ATP8B4: variants seen among roughly 807,000 people sequenced by gnomAD.
ATP8B4 encodes the protein ATPase phospholipid transporting 8B4 (putative).
Under a neutral mutation model 145.6 loss-of-function variants are expected in ATP8B4, and 133 were observed. The ratio of observed to expected loss-of-function variants is 0.91; its 90% CI spans 0.79 to 1.05. The LOEUF (loss-of-function observed/expected upper bound fraction) is 1.05. Ranked by LOEUF, ATP8B4 falls within the 50% of genes least tolerant of loss-of-function variation. The pLI is 0.00. For missense variants in ATP8B4, 1,458 were observed against 1,425.2 expected (o/e 1.02, Z -0.37); for synonymous variants, 507 against 492.9 (o/e 1.03, Z -0.38).
intron 1 of ATP8B4, among the ~76,000 whole-genome samples, chr15:50,114,901 A>T (rs946333253): frequency 1.3e-5 from 2 of 152,250 alleles, no homozygotes; most frequent in African/African-American, 4.8e-5. Flanking sequence ...ACATTCAATT[A>T]TCAAAGACTT....
intron 6 of ATP8B4, among the ~76,000 whole-genome samples, chr15:50,018,560 A>C (rs1012978042): frequency 6.6e-6 from 1 of 152,194 alleles, no homozygotes; most frequent in Non-Finnish European, 1.5e-5. Flanking sequence ...TCAACAATGA[A>C]GAATACCTGC....
chr15:49,929,857 G>A (rs1420956258), intron 16 of ATP8B4, among the ~76,000 whole-genome samples: 1 of 152,026 alleles, frequency 6.6e-6, no homozygotes, highest in African/African-American at 2.4e-5. Flanking sequence ...ATTGGACTGG[G>A]AAGTTACAAG....
chr15:50,022,322 G>A (rs184301159), intron 6 of ATP8B4, among the ~76,000 whole-genome samples: 21 of 152,194 alleles, frequency 1.4e-4, no homozygotes, highest in Non-Finnish European at 2.8e-4. Flanking sequence ...TAGTGCTTCC[G>A]TTGAGGTCCA....
At chr15:49,950,382 T>G (rs1334830464) in intron 14 of ATP8B4, among the ~76,000 whole-genome samples, 3 of 152,048 alleles carry the variant, frequency 2.0e-5, no homozygotes, top group Non-Finnish European at 2.9e-5. Flanking sequence ...CCTGGTTTAG[T>G]CTTGATAAGG....
In ATP8B4 at chr15:49,860,488, A is replaced by T; in HGVS notation, c.3298-13T>A. 6.3e-7 allele frequency: 1 copy of T among 1,594,540 alleles called. No homozygotes were observed. Among genetic ancestry groups the T allele is most frequent in the Non-Finnish European group, 8.5e-7 (1 of 1,172,244 alleles). On this transcript the variant is annotated splice_polypyrimidine_tract_variant and intron_variant, in intron 27 of 27. Transcript: ENST00000284509. The stretch of plus-strand genomic sequence containing the variant: ...GCCACCGGCGGATCTGGAGAGAAAC[A>T]GACCCAAAGTGAGATGATGCATCCA...
intron 1 of ATP8B4, among the ~76,000 whole-genome samples, chr15:50,165,883 A>C (rs1353506679): frequency 6.6e-6 from 1 of 152,096 alleles, no homozygotes; most frequent in Non-Finnish European, 1.5e-5. Flanking sequence ...GAACAGATAA[A>C]AAATTTGAAA....
chr15:49,937,519 C>A (rs910799934), intron 14 of ATP8B4, among the ~76,000 whole-genome samples: 2 of 152,272 alleles, frequency 1.3e-5, no homozygotes, highest in Admixed American at 1.3e-4. Flanking sequence ...TCCGTGTTTT[C>A]ATTTGTGCAT....
chr15:49,944,963 C>G (rs2042444836), intron 14 of ATP8B4, among the ~76,000 whole-genome samples: 1 of 152,090 alleles, frequency 6.6e-6, no homozygotes, highest in South Asian at 2.1e-4. Context: ...TGAATAGCCA[C>G]TGGCTCAAAA....
At chr15:50,061,491 A>G (rs527881004) in intron 3 of ATP8B4, among the ~76,000 whole-genome samples, 1 of 152,348 alleles carries the variant, frequency 6.6e-6, no homozygotes, top group South Asian at 2.1e-4. Context: ...GATAAAACAT[A>G]AATTCATAAC....
chr15:50,127,825 AC>A (rs537156582), intron 1 of ATP8B4, among the ~76,000 whole-genome samples: 44 of 152,232 alleles, frequency 2.9e-4, no homozygotes, highest in Non-Finnish European at 5.7e-4. Flanking sequence ...AGGGAGAGGA[AC>A]AAACACCAGT....
At chr15:50,089,050 G>C (rs1431747282) in intron 2 of ATP8B4, among the ~76,000 whole-genome samples, 2 of 152,206 alleles carry the variant, frequency 1.3e-5, no homozygotes, top group East Asian at 3.9e-4. Context: ...TTTAATAAAG[G>C]GTGCTAGGAG....
chr15:50,037,365 C>G (rs2050917226), intron 6 of ATP8B4, among the ~76,000 whole-genome samples: 5 of 152,186 alleles, frequency 3.3e-5, no homozygotes, highest in Admixed American at 3.3e-4. Context: ...CACAACCACA[C>G]ATACTCTGTC....
At chr15:49,959,542 G>A (rs1358464378) in intron 14 of ATP8B4, among the ~76,000 whole-genome samples, 1 of 151,982 alleles carries the variant, frequency 6.6e-6, no homozygotes, top group African/African-American at 2.4e-5. Flanking sequence ...TCTATTTCCA[G>A]ATAGTATGGT....
At chr15:49,955,035 T>C (rs530460768) in intron 14 of ATP8B4, among the ~76,000 whole-genome samples, 33 of 152,292 alleles carry the variant, frequency 2.2e-4, no homozygotes, top group African/African-American at 7.9e-4. Context: ...GCTACACAGA[T>C]GCAGCTGGAG....
intron 1 of ATP8B4, among the ~76,000 whole-genome samples, chr15:50,137,573 G>T (rs894755907): frequency 6.6e-6 from 1 of 152,210 alleles, no homozygotes; most frequent in Non-Finnish European, 1.5e-5. Flanking sequence ...TCTAAGATCT[G>T]AATCACTGTC....
At position 50,159,770 on chromosome 15, in the gene ATP8B4, C is replaced by A. The variant is rs139814408; in HGVS notation, c.-43+22491G>T. ...TTCTTCATTCTATTGATACGATGTA[C>A]CACATTGATTGATTTGTGTATGTTG... On this transcript the variant is annotated intron_variant, in intron 1 of 3. Transcript: ENST00000558829. Among the ~76,000 whole-genome samples the A allele has an allele frequency of 2.7e-4, 41 of 152,174 alleles. 1 individual carries two copies. Among genetic ancestry groups the A allele is most frequent in the African/African-American group, 9.4e-4 (39 of 41,502 alleles).
chr15:50,165,486 G>A (rs1200997682), intron 1 of ATP8B4, among the ~76,000 whole-genome samples: 1 of 152,070 alleles, frequency 6.6e-6, no homozygotes, highest in African/African-American at 2.4e-5. Context: ...GGGGATGGTG[G>A]GGGCAATCAC....
chr15:50,005,212 C>T (rs2153564676), intron 7 of ATP8B4, among the ~76,000 whole-genome samples: 1 of 152,266 alleles, frequency 6.6e-6, no homozygotes, highest in Non-Finnish European at 1.5e-5. Context: ...CAACACAACG[C>T]CCCTTCCCCA....
intron 22 of ATP8B4, among the ~76,000 whole-genome samples, 181 bp downstream of exon 22, chr15:49,897,887 G>A (rs1463007854): frequency 6.6e-6 from 1 of 152,118 alleles, no homozygotes; most frequent in Non-Finnish European, 1.5e-5. Flanking sequence ...TTTATTTAAA[G>A]ACAAAGAAAT....
Sources: gnomAD v4.1 joint callset for allele counts (sites outside exome capture counted in the v4.1 genomes callset) on GRCh38, gnomAD v4.1.1 for gene constraint, MANE v1.5 for transcripts, NCBI Gene and HGNC (gene_info 2026-07-23, HGNC 2026-07-21) for gene names.